Variants in PLCB1 observed in about 807,000 individuals in gnomAD.
PLCB1 encodes 1-phosphatidylinositol 4,5-bisphosphate phosphodiesterase beta-1.
PLCB1 carries 46 observed loss-of-function variants against 161.8 expected under a neutral mutation model. The ratio of observed to expected loss-of-function variants is 0.28; its 90% CI spans 0.22 to 0.36. The LOEUF (loss-of-function observed/expected upper bound fraction) is 0.36, where lower values mean the gene tolerates loss of function less well. PLCB1 is among the 10% of genes least tolerant of loss of function. The probability of loss-of-function intolerance (pLI) is 1.00; values close to 1 mark genes in which losing one functional copy is unlikely to be tolerated. For synonymous variants in PLCB1, 517 were observed against 503.7 expected (o/e 1.03, Z -0.35); for missense variants, 1,016 against 1,472.5 (o/e 0.69, Z 5.07).
At chr20:8,876,384 C>CA (rs1370218357) in intron 31 of PLCB1, among the ~76,000 whole-genome samples, 2 of 152,158 alleles carry the variant, frequency 1.3e-5, no homozygotes, top group African/African-American at 4.8e-5. Context: ...GCATAGCCTA[C>CA]AAAATCACAT....
At position 8,653,793 on chromosome 20, in the gene PLCB1, A is replaced by G. The variant is rs1989380753; in HGVS notation, c.595-3391A>G. ...AGTGTACTGGTTTACAGTATAAGGTATAGAATTAAGCAACTCAGATTCAAA... is the reference window on the plus strand; with the variant it reads ...AGTGTACTGGTTTACAGTATAAGGTGTAGAATTAAGCAACTCAGATTCAAA... On this transcript the variant is annotated intron_variant, in intron 7 of 31. Coordinates refer to ENST00000338037, the MANE Select transcript of PLCB1 (RefSeq NM_015192.4). Among the ~76,000 whole-genome samples, 3 of 152,106 alleles carry G rather than the reference A, an allele frequency of 2.0e-5. No homozygotes were observed. The South Asian group carries it at 6.2e-4, about 31-fold the overall frequency.
chr20:8,418,209 A>G (rs555713492), intron 3 of PLCB1, among the ~76,000 whole-genome samples: 2 of 152,326 alleles, frequency 1.3e-5, no homozygotes, highest in Admixed American at 1.3e-4. Context: ...CCAAAAGTAG[A>G]TGCAACAGCA....
chr20:8,294,161 C>T (rs1213450264), intron 2 of PLCB1, among the ~76,000 whole-genome samples: 1 of 152,010 alleles, frequency 6.6e-6, no homozygotes, highest in African/African-American at 2.4e-5. Flanking sequence ...ATTGTATGAA[C>T]CTAACACAAT....
In PLCB1 at chr20:8,576,145, T is replaced by G. The variant is rs144087864; in HGVS notation, c.247-52149T>G. Among the ~76,000 whole-genome samples, 1,308 of 152,308 alleles carry G rather than the reference T, an allele frequency of 8.6e-3. 16 individuals are homozygous for G. The highest frequency in any genetic ancestry group is 0.028 in the African/African-American group (1,176 of 41,562). On this transcript the variant is annotated intron_variant, in intron 3 of 31. Transcript: ENST00000338037. Reference sequence around the variant, plus strand: ...TTTCCCAGGTCATCAAATTAATAATTGAAAAAAACCTTCTAATAATTGGTG... The same window carrying G: ...TTTCCCAGGTCATCAAATTAATAATGGAAAAAAACCTTCTAATAATTGGTG...
chr20:8,410,302 T>G (rs2122508737), intron 3 of PLCB1, among the ~76,000 whole-genome samples: 1 of 152,326 alleles, frequency 6.6e-6, no homozygotes, highest in African/African-American at 2.4e-5. Flanking sequence ...GTGGAATTGC[T>G]GAGTCCTAGA....
intron 2 of PLCB1, among the ~76,000 whole-genome samples, chr20:8,352,824 A>G (rs960732940): frequency 6.6e-6 from 1 of 152,186 alleles, no homozygotes; most frequent in African/African-American, 2.4e-5. Context: ...GCAGGTAGTT[A>G]TAGAGCAAAG....
At chr20:8,228,968 G>A (rs6086370) in intron 2 of PLCB1, among the ~76,000 whole-genome samples, 128,736 of 151,952 alleles carry the variant, frequency 0.85, 55,062 homozygotes, top group African/African-American at 0.96. Context: ...CTACATTGCT[G>A]TCGAACACTA....
At position 8,697,750 on chromosome 20, in the gene PLCB1, T is replaced by C; in HGVS notation, c.1134T>C (p.His378=). The change falls in exon 11 of 32, where the codon CAT becomes CAC. Residue 378 remains histidine, a synonymous_variant. Coordinates refer to ENST00000338037, the MANE Select transcript of PLCB1 (RefSeq NM_015192.4). ...CAGAAGAGGAACCTGTCATCACCCA[T>C]GGCTTCACCATGACAACTGAAATAT... ...RTAEEEPVIT[H]GFTMTTEISF... The C allele has an allele frequency of 6.2e-7, 1 of 1,614,194 alleles. No homozygotes were observed. The highest frequency in any genetic ancestry group is 8.5e-7 in the Non-Finnish European group (1 of 1,180,020).
intron 2 of PLCB1, among the ~76,000 whole-genome samples, chr20:8,265,467 G>A (rs1469888393): frequency 6.6e-6 from 1 of 152,070 alleles, no homozygotes; most frequent in Non-Finnish European, 1.5e-5. Context: ...CACATTTTTG[G>A]CTAGAAGGGA....
At chr20:8,678,993 A>G (rs1990153672) in intron 9 of PLCB1, among the ~76,000 whole-genome samples, 1 of 152,210 alleles carries the variant, frequency 6.6e-6, no homozygotes, top group Non-Finnish European at 1.5e-5. Flanking sequence ...CTGATCAGCA[A>G]CAGGAATCAA....
chr20:8,204,791 A>T (rs888022496), intron 2 of PLCB1, among the ~76,000 whole-genome samples: 1 of 152,172 alleles, frequency 6.6e-6, no homozygotes, highest in Non-Finnish European at 1.5e-5. Flanking sequence ...ATACACTGGG[A>T]TAGTCCATTC....
chr20:8,490,899 C>T (rs1260345010), intron 3 of PLCB1, among the ~76,000 whole-genome samples: 20 of 148,616 alleles, frequency 1.3e-4, no homozygotes, highest in Admixed American at 1.1e-3. Context: ...TATATGTACA[C>T]ATATATATGT....
At chr20:8,435,672 C>G (rs1980266961) in intron 3 of PLCB1, among the ~76,000 whole-genome samples, 4 of 152,138 alleles carry the variant, frequency 2.6e-5, no homozygotes, top group Non-Finnish European at 5.9e-5. Flanking sequence ...CCTGAATGAG[C>G]TTGGAAGTGG....
chr20:8,610,475 T>G (rs1987875095), intron 3 of PLCB1, among the ~76,000 whole-genome samples: 1 of 152,198 alleles, frequency 6.6e-6, no homozygotes, highest in Non-Finnish European at 1.5e-5. Flanking sequence ...TGGACATGTT[T>G]TCATTTCTCG....
intron 2 of PLCB1, among the ~76,000 whole-genome samples, chr20:8,315,254 G>C (rs1379589399): frequency 6.6e-6 from 1 of 152,150 alleles, no homozygotes; most frequent in Non-Finnish European, 1.5e-5. Context: ...GACAGAAAAG[G>C]GTGAAGCAAT....
At chr20:8,262,895 C>G (rs185066251) in intron 2 of PLCB1, among the ~76,000 whole-genome samples, 1 of 152,126 alleles carries the variant, frequency 6.6e-6, no homozygotes, top group South Asian at 2.1e-4. Context: ...TCGTCTTCCT[C>G]TTTTTACAAG....
intron 24 of PLCB1, among the ~76,000 whole-genome samples, chr20:8,758,903 G>A (rs1423387493): frequency 3.3e-5 from 5 of 152,172 alleles, no homozygotes; most frequent in Non-Finnish European, 7.3e-5. Context: ...ACGGGATCAT[G>A]GGGCAATCAT....
chr20:8,606,024 T>C (rs779956328), intron 3 of PLCB1, among the ~76,000 whole-genome samples: 2 of 152,194 alleles, frequency 1.3e-5, no homozygotes, highest in Non-Finnish European at 2.9e-5. Flanking sequence ...ACAGTGCACA[T>C]ATAGTACATT....
In PLCB1 at chr20:8,854,101, T is replaced by C. The variant is rs1225786435; in HGVS notation, c.3424-27521T>C. Among the ~76,000 whole-genome samples, 4 of 152,176 alleles carry C rather than the reference T, an allele frequency of 2.6e-5. No homozygotes were observed. In the East Asian group the frequency reaches 7.7e-4, roughly 29 times the overall value. On this transcript the variant is annotated intron_variant, in intron 31 of 31. Coordinates refer to ENST00000338037, the MANE Select transcript of PLCB1 (RefSeq NM_015192.4). ...AAAATAAACATCCATAAACTTAAAC[T>C]TTCCTGGGTAGGGAAGATCTGAAAA... is the stretch of plus-strand genomic sequence containing the variant.
Sources: allele counts gnomAD v4.1 joint callset (sites outside exome capture counted in the v4.1 genomes callset), GRCh38; gene constraint gnomAD v4.1.1; transcripts MANE v1.5; gene names NCBI Gene and HGNC (gene_info 2026-07-23, HGNC 2026-07-21).